Variants in NTM observed in about 807,000 individuals in gnomAD.
The protein encoded by NTM is neurotrimin.
In NTM, 13 loss-of-function variants were observed where a neutral mutation model predicts 42.1. The observed-to-expected ratio is 0.31, with a 90% CI of 0.20 to 0.49. The LOEUF (loss-of-function observed/expected upper bound fraction) is 0.49. NTM is among the 20% of genes least tolerant of loss of function. NTM has a pLI of 0.99. For synonymous variants in NTM, 187 were observed against 179.2 expected (o/e 1.04, Z -0.35); for missense variants, 373 against 452.8 (o/e 0.82, Z 1.60).
chr11:131,720,998 C>A (rs2078262834), intron 1 of NTM, among the ~76,000 whole-genome samples: 1 of 152,040 alleles, frequency 6.6e-6, no homozygotes, highest in Non-Finnish European at 1.5e-5. Context: ...CCTAGAAATA[C>A]CTTCTTATCT....
rs1317094575 is a variant in NTM, at chr11:131,772,481, C to T, written c.83-139083C>T. ...TATCAGAGAGACCTTCTTCTGCTGGCCTGGAAGCAGCCTATGGGAAAGGAC... is the reference window on the plus strand; with the variant it reads ...TATCAGAGAGACCTTCTTCTGCTGGTCTGGAAGCAGCCTATGGGAAAGGAC... On this transcript the variant is annotated intron_variant, in intron 1 of 8. Transcript: ENST00000683400. Among the ~76,000 whole-genome samples, 4 of 152,150 alleles carry T rather than the reference C, an allele frequency of 2.6e-5. 1 individual carries two copies. The highest frequency in any genetic ancestry group is 1.3e-4 in the Admixed American group (2 of 15,272).
At chr11:131,477,395 G>T (rs1953067361) in intron 1 of NTM, among the ~76,000 whole-genome samples, 2 of 151,656 alleles carry the variant, frequency 1.3e-5, no homozygotes, top group African/African-American at 4.9e-5. Context: ...CCCCACTTCT[G>T]CATTTGGGTT....
At chr11:131,467,051 A>G (rs2136150158) in intron 1 of NTM, among the ~76,000 whole-genome samples, 1 of 152,350 alleles carries the variant, frequency 6.6e-6, no homozygotes. Flanking sequence ...TCTGGCGTAC[A>G]GGGACTCTGA....
chr11:131,942,945 CAA>C (rs5795748), intron 2 of NTM, among the ~76,000 whole-genome samples: 1,477 of 138,762 alleles, frequency 0.011, 25 homozygotes, highest in African/African-American at 0.031. Context: ...GACCCTGTCT[CAA>C]AAAAAAAAAA....
intron 3 of NTM, among the ~76,000 whole-genome samples, chr11:132,173,794 G>C (rs1049080931): frequency 1.3e-5 from 2 of 152,330 alleles, no homozygotes; most frequent in East Asian, 3.9e-4. Flanking sequence ...CAGCTGCAGA[G>C]ATACTGTTGC....
intron 2 of NTM, among the ~76,000 whole-genome samples, chr11:132,086,315 C>A (rs573340029): frequency 9.1e-6 from 1 of 109,344 alleles, no homozygotes; most frequent in Non-Finnish European, 1.7e-5. Context: ...CAGAGCAAGA[C>A]TCCATGTCAA....
At chr11:131,631,754 C>T (rs760038235) in intron 1 of NTM, among the ~76,000 whole-genome samples, 2 of 152,178 alleles carry the variant, frequency 1.3e-5, no homozygotes, top group Non-Finnish European at 2.9e-5. Context: ...TTGGCGCATG[C>T]ATTCTTGTAT....
At chr11:132,167,051 T>A (rs1397411151) in intron 3 of NTM, among the ~76,000 whole-genome samples, 1 of 152,222 alleles carries the variant, frequency 6.6e-6, no homozygotes. Flanking sequence ...TTTATTCTAC[T>A]TAAAAAAGAT....
intron 1 of NTM, among the ~76,000 whole-genome samples, chr11:131,833,804 A>T (rs7105295): frequency 0.03 from 4,558 of 152,284 alleles, 215 homozygotes; most frequent in African/African-American, 0.1. Flanking sequence ...AAGGGCATAA[A>T]TTCTATTATG....
chr11:131,449,693 A>C (rs773879612), intron 1 of NTM, among the ~76,000 whole-genome samples: 1 of 152,132 alleles, frequency 6.6e-6, no homozygotes, highest in Non-Finnish European at 1.5e-5. Context: ...CCTTCAGAGA[A>C]GCGTGTGTGT....
chr11:131,986,459 C>CA (rs1329219277), intron 2 of NTM, among the ~76,000 whole-genome samples: 1 of 152,202 alleles, frequency 6.6e-6, no homozygotes, highest in Non-Finnish European at 1.5e-5. Flanking sequence ...ACTTGACTAT[C>CA]ACGTTTGCTT....
chr11:131,605,982 T>C (rs1330391605), intron 1 of NTM: 1 of 729,732 alleles, frequency 1.4e-6, no homozygotes, highest in Non-Finnish European at 1.7e-6. Flanking sequence ...TTTCTTTCTC[T>C]GCCTCTCTGC....
chr11:131,661,183 G>A (rs558162206), intron 1 of NTM: 2 of 477,340 alleles, frequency 4.2e-6, no homozygotes, highest in East Asian at 1.4e-4. Flanking sequence ...TGATGGCTTT[G>A]TTCTTTGAAA....
intron 3 of NTM, among the ~76,000 whole-genome samples, chr11:132,209,041 G>GGGGAAGGAGGTGGCTGGTGC (rs1265216875): frequency 1.3e-5 from 2 of 152,086 alleles, no homozygotes; most frequent in African/African-American, 4.8e-5. Context: ...TTGGGGGGTG[G>GGGGAAGGAGGTGGCTGGTGC]GGGAAGGAGG....
chr11:132,287,524 G>A lies in NTM; in HGVS notation c.527-20165G>A, dbSNP rs572487007. 2.6e-5 allele frequency among the ~76,000 whole-genome samples: 4 copies of A among 152,198 alleles called. No individual in the cohort carries two copies. In the East Asian group the frequency reaches 7.7e-4, roughly 29 times the overall value. On this transcript the variant is annotated intron_variant, in intron 4 of 8. Transcript: ENST00000683400. ...GTTTAAGTTATATAAATTCTTGGGG[G>A]AAAAGATCTGGTTTATATTTAAAAA...
intron 2 of NTM, among the ~76,000 whole-genome samples, chr11:132,061,060 CA>C (rs1450459644): frequency 6.6e-6 from 1 of 152,172 alleles, no homozygotes; most frequent in African/African-American, 2.4e-5. Context: ...AGTAGTGCTG[CA>C]GCACAATTTT....
Position 132,280,475 on chromosome 11 carries a change from C to CTT in NTM, c.527-27187_527-27186dup, listed in dbSNP as rs138697534. 6.2e-4 allele frequency among the ~76,000 whole-genome samples: 51 copies of CTT among 82,442 alleles called. 3 individuals carry two copies. The highest frequency in any genetic ancestry group is 1.0e-3 in the Non-Finnish European group (47 of 46,308). 54.1% of individuals were successfully genotyped at this position (82,442 alleles called of 152,430 possible). A position where few individuals can be genotyped will look rare whatever the true frequency, so the allele number is the denominator to read the frequency against. On this transcript the variant is annotated intron_variant, in intron 4 of 8. Transcript: ENST00000683400. ...CACCACACTGTCCTGATACTCTCTT[C>CTT]TTTTTTTTTTTTTTTTTTTTTTTTT... is the stretch of plus-strand genomic sequence containing the variant.
At chr11:131,933,392 T>C (rs1325275212) in intron 2 of NTM, among the ~76,000 whole-genome samples, 1 of 152,198 alleles carries the variant, frequency 6.6e-6, no homozygotes, top group Non-Finnish European at 1.5e-5. Flanking sequence ...CACCTTGTGT[T>C]TCAGCTGGGA....
intron 1 of NTM, among the ~76,000 whole-genome samples, chr11:131,703,549 C>T (rs2076280323): frequency 6.6e-6 from 1 of 152,194 alleles, no homozygotes; most frequent in Non-Finnish European, 1.5e-5. Flanking sequence ...GTTATGTCAA[C>T]CAGATGGCAG....
Sources: gnomAD v4.1 joint callset for allele counts (sites outside exome capture counted in the v4.1 genomes callset) on GRCh38, gnomAD v4.1.1 for gene constraint, MANE v1.5 for transcripts, NCBI Gene and HGNC (gene_info 2026-07-23, HGNC 2026-07-21) for gene names.